Variants in JAKMIP1 observed in about 807,000 individuals in gnomAD.
JAKMIP1 encodes janus kinase and microtubule-interacting protein 1.
A neutral mutation model predicts 113.0 loss-of-function variants in JAKMIP1; 33 were observed. The ratio of observed to expected loss-of-function variants is 0.29; its 90% CI spans 0.22 to 0.39. JAKMIP1 has a LOEUF of 0.39. Among genes scored for constraint, JAKMIP1 ranks in the 10% least tolerant of loss-of-function variants. The pLI is 1.00. For missense variants in JAKMIP1, 813 were observed against 1,080.5 expected (o/e 0.75, Z 3.47); for synonymous variants, 480 against 459.9 (o/e 1.04, Z -0.56).
chr4:6,145,953 A>C (rs1720790092), intron 1 of JAKMIP1, among the ~76,000 whole-genome samples: 1 of 152,114 alleles, frequency 6.6e-6, no homozygotes, highest in African/African-American at 2.4e-5. Flanking sequence ...TCACATTCTG[A>C]GGTACTGAGG....
rs1168603060 is a variant in JAKMIP1 at position 6,129,523 on chromosome 4, C to T, written c.-147-16526G>A. ...TTCAGCACAAGTTTGTGCCATGTCT[C>T]CTGAAAGCCAGGTGCCATGCTGGTA... On this transcript the variant is annotated intron_variant, in intron 1 of 20. Transcript: ENST00000409021. The surrounding 1 kb of genome is among the most constrained non-coding windows in gnomAD (Gnocchi z 5.4). Among the ~76,000 whole-genome samples, 1 of 152,130 alleles carries T rather than the reference C, an allele frequency of 6.6e-6. No individual in the cohort carries two copies. The highest frequency in any genetic ancestry group is 1.5e-5 in the Non-Finnish European group (1 of 68,028).
rs1203544946 is a variant in JAKMIP1 at position 6,141,109 on chromosome 4, C to A, written c.-147-28112G>T. On this transcript the variant is annotated intron_variant, in intron 1 of 20. Transcript: ENST00000409021. The surrounding 1 kb of genome is among the most constrained non-coding windows in gnomAD (Gnocchi z 9.4). ...TCAGTCACTACCATCCTAATTGTAT[C>A]GCGTAGAATGAGAAGCAGCTACCAA... Among the ~76,000 whole-genome samples, 1 of 152,186 alleles carries A rather than the reference C, an allele frequency of 6.6e-6. No individual in the cohort carries two copies. The highest frequency in any genetic ancestry group is 1.5e-5 in the Non-Finnish European group (1 of 68,050).
At chr4:6,164,356 T>A (rs1723332602) in intron 1 of JAKMIP1, among the ~76,000 whole-genome samples, 1 of 152,170 alleles carries the variant, frequency 6.6e-6, no homozygotes, top group Admixed American at 6.5e-5. Flanking sequence ...CTGAATATTT[T>A]AAACCCACTG....
Position 6,037,213 on chromosome 4 carries a change from C to T in JAKMIP1, c.2176-1106G>A, listed in dbSNP as rs559484279. 6.2e-4 allele frequency among the ~76,000 whole-genome samples: 90 copies of T among 144,942 alleles called. 1 individual carries two copies. Among genetic ancestry groups the T allele is most frequent in the African/African-American group, 2.3e-3 (86 of 36,720 alleles). Reference sequence around the variant, plus strand: ...CTCCATCACCGAGGCAGAGGTTAACCCAGTAGCCCTCCATCACTGAGGCAG... The same window carrying T: ...CTCCATCACCGAGGCAGAGGTTAACTCAGTAGCCCTCCATCACTGAGGCAG... On this transcript the variant is annotated intron_variant, in intron 18 of 20. Transcript: ENST00000409021.
chr4:6,062,503 G>T, intron 9 of JAKMIP1, 63 bp from the exon 10 acceptor site: 1 of 1,513,380 alleles, frequency 6.6e-7, no homozygotes, highest in Non-Finnish European at 9.1e-7. Context: ...AATGATTTAT[G>T]ATTGATTTTA....
At position 6,153,089 on chromosome 4, in the gene JAKMIP1, C is replaced by T. The variant is rs1481416920; in HGVS notation, c.-147-40092G>A. ...GACCAGCCCCACCCATGCACATCCC[C>T]CTCCCCTACCTGCCTGAAGACTACA... On this transcript the variant is annotated intron_variant, in intron 1 of 20. Coordinates refer to ENST00000409021, the MANE Select transcript of JAKMIP1 (RefSeq NM_001099433.2). This position sits in a 1 kb window ranked among gnomAD's most constrained non-coding sequence, Gnocchi z 4.9. 3.3e-5 allele frequency among the ~76,000 whole-genome samples: 5 copies of T among 152,210 alleles called. No homozygotes were observed. The highest frequency in any genetic ancestry group is 9.6e-5 in the African/African-American group (4 of 41,518).
chr4:6,118,944 A>C (rs1278781286), intron 1 of JAKMIP1, among the ~76,000 whole-genome samples: 1 of 152,234 alleles, frequency 6.6e-6, no homozygotes, highest in Non-Finnish European at 1.5e-5. Flanking sequence ...TGAAGTCTAA[A>C]TCCATTGACA....
At chr4:6,118,468 A>C (rs942041788) in intron 1 of JAKMIP1, among the ~76,000 whole-genome samples, 1 of 152,158 alleles carries the variant, frequency 6.6e-6, no homozygotes, top group Non-Finnish European at 1.5e-5. Context: ...GGTGGGCTGC[A>C]GAGATATTTC....
intron 7 of JAKMIP1, 101 bp from the exon 8 acceptor site, chr4:6,079,099 G>T: frequency 8.2e-7 from 1 of 1,223,806 alleles, no homozygotes; most frequent in Non-Finnish European, 1.2e-6. Flanking sequence ...ATCCGCACCA[G>T]GCATGGCTAG....
intron 3 of JAKMIP1, among the ~76,000 whole-genome samples, chr4:6,104,448 T>C (rs191243586): frequency 3.3e-5 from 5 of 152,364 alleles, no homozygotes; most frequent in East Asian, 3.9e-4. Flanking sequence ...TAGTATTACT[T>C]CTTGCCTTAG....
chr4:6,112,986 T>G lies in JAKMIP1; in HGVS notation c.-136A>C. The G allele has an allele frequency of 7.9e-7, 1 of 1,258,576 alleles. No individual in the cohort carries two copies. Among genetic ancestry groups the G allele is most frequent in the Non-Finnish European group, 1.1e-6 (1 of 938,798 alleles). 78.0% of individuals were successfully genotyped at this position (1,258,576 alleles called of 1,614,324 possible). A position where few individuals can be genotyped will look rare whatever the true frequency, so the allele number is the denominator to read the frequency against. On this transcript the variant is annotated 5_prime_UTR_variant, in exon 2 of 21. The change abolishes an upstream ATG in the 5' untranslated region. Transcript: ENST00000409021. Reference sequence around the variant, plus strand: ...AGCTCGCCCTCCGAGGAAACCACCATCACTTGGGATCCTGAAGGAAGGAGG... The same window carrying G: ...AGCTCGCCCTCCGAGGAAACCACCAGCACTTGGGATCCTGAAGGAAGGAGG...
rs1049589365 is a variant in JAKMIP1, at chr4:6,086,878, G to T, written c.625-1249C>A. Among the ~76,000 whole-genome samples, 6 of 152,096 alleles carry T rather than the reference G, an allele frequency of 3.9e-5. No individual in the cohort carries two copies. Among genetic ancestry groups the T allele is most frequent in the Non-Finnish European group, 8.8e-5 (6 of 68,020 alleles). On this transcript the variant is annotated intron_variant, in intron 3 of 20. Coordinates refer to ENST00000409021, the MANE Select transcript of JAKMIP1 (RefSeq NM_001099433.2). This position sits in a 1 kb window ranked among gnomAD's most constrained non-coding sequence, Gnocchi z 4.1. ...AGAGGCTGGAGGGACACAGCCTCAAGCCAAGGAACTCAAGGTCAGCCAGCA... is the reference window on the plus strand; with the variant it reads ...AGAGGCTGGAGGGACACAGCCTCAATCCAAGGAACTCAAGGTCAGCCAGCA...
At position 6,194,365 on chromosome 4, in the gene JAKMIP1, C is replaced by T. The variant is rs1208951700; in HGVS notation, c.-148+5888G>A. 2.0e-5 allele frequency: 3 copies of T among 151,986 alleles called. No individual in the cohort carries two copies. The highest frequency in any genetic ancestry group is 4.4e-5 in the Non-Finnish European group (3 of 68,032). The allele number at this position is 151,986 out of a possible 1,614,324, so 9.4% of individuals were successfully genotyped here. On this transcript the variant is annotated intron_variant, in intron 1 of 20. Transcript: ENST00000409021. This position sits in a 1 kb window ranked among gnomAD's most constrained non-coding sequence, Gnocchi z 7.4. Reference sequence around the variant, plus strand: ...CAATGGAAGACACAGGTTGTGATCTCATTCAATACAGTCCCATGTCAGAAC... The same window carrying T: ...CAATGGAAGACACAGGTTGTGATCTTATTCAATACAGTCCCATGTCAGAAC...
Position 6,081,719 on chromosome 4 carries a change from G to T in JAKMIP1, c.991C>A (p.Pro331Thr). ...RSRETEVQLK[P>T]LVEKNKRMNK... ...ATCCGCTTGTTCTTCTCCACCAGGG[G>T]CTTCAGCTGAACCTCGGTCTCTCGT... The change falls in exon 6 of 21, where the codon CCC (proline) becomes ACC (threonine). Residue 331 changes from proline to threonine, a missense_variant. This residue lies in a region of JAKMIP1 where 540 missense variants were observed against 653.9 expected (regional missense o/e 0.83). Transcript: ENST00000409021. The surrounding 1 kb of genome is among the most constrained non-coding windows in gnomAD (Gnocchi z 4.6). 5 of 1,614,122 alleles carry T rather than the reference G, an allele frequency of 3.1e-6. No individual in the cohort carries two copies. The highest frequency in any genetic ancestry group is 4.2e-6 in the Non-Finnish European group (5 of 1,180,018).
intron 19 of JAKMIP1, 56 bp from the exon 20 acceptor site, chr4:6,029,837 C>A: frequency 8.1e-7 from 1 of 1,236,594 alleles, no homozygotes; most frequent in Non-Finnish European, 1.2e-6. Flanking sequence ...TTTAAAAACT[C>A]TGTTTTTATT....
chr4:6,064,343 T>G lies in JAKMIP1; in HGVS notation c.1431+537A>C, dbSNP rs1717742581. Among the ~76,000 whole-genome samples, 1 of 152,244 alleles carries G rather than the reference T, an allele frequency of 6.6e-6. No homozygotes were observed. Among genetic ancestry groups the G allele is most frequent in the Admixed American group, 6.5e-5 (1 of 15,284 alleles). On this transcript the variant is annotated intron_variant, in intron 9 of 20. Transcript: ENST00000409021. The surrounding 1 kb of genome is among the most constrained non-coding windows in gnomAD (Gnocchi z 4.3). The stretch of plus-strand genomic sequence containing the variant: ...TCCACCTTGCTCAAGAAGCTGGCTA[T>G]GCACCCAGATGGGCACAGGTGGTCA...
chr4:6,174,600 G>A (rs1288139710), intron 1 of JAKMIP1, among the ~76,000 whole-genome samples: 1 of 152,150 alleles, frequency 6.6e-6, no homozygotes, highest in Non-Finnish European at 1.5e-5. Flanking sequence ...TGGGTCCTGT[G>A]GAGAGGTCGC....
In JAKMIP1 at chr4:6,105,524, T is replaced by C. The variant is rs1578247163; in HGVS notation, c.573A>G (p.Gln191=). Residue 191 remains glutamine (Q), a synonymous_variant, in exon 3 of 21, where the codon CAA becomes CAG. Transcript: ENST00000409021. ...CGCGCTTGATGCGGTGCACCTCGTC[T>C]TGGTGCGCCTGGTAGGCGGCACGCA... The part of the protein sequence containing the change: ...ADLRAAYQAH[Q]DEVHRIKREC... 1 of 1,609,208 alleles carries C rather than the reference T, an allele frequency of 6.2e-7. No individual in the cohort carries two copies. The highest frequency in any genetic ancestry group is 8.5e-7 in the Non-Finnish European group (1 of 1,178,384).
chr4:6,182,396 G>A (rs184859669), intron 1 of JAKMIP1, among the ~76,000 whole-genome samples: 18 of 125,190 alleles, frequency 1.4e-4, no homozygotes, highest in African/African-American at 4.9e-4. Flanking sequence ...GTAACAGAGC[G>A]AGACCCTGTC....
Sources: gnomAD v4.1 joint callset for allele counts (sites outside exome capture counted in the v4.1 genomes callset) on GRCh38, gnomAD v4.1.1 for gene constraint, gnomAD v4.1.1 regional missense constraint, Gnocchi (gnomAD v3.1) non-coding constraint, MANE v1.5 for transcripts, NCBI Gene and HGNC (gene_info 2026-07-23, HGNC 2026-07-21) for gene names.